NRG3: variants seen among roughly 807,000 people sequenced by gnomAD.
NRG3 encodes the protein pro-neuregulin-3, membrane-bound isoform.
In NRG3, 31 loss-of-function variants were observed where a neutral mutation model predicts 66.9. That is an observed-to-expected ratio of 0.46 (90% CI 0.35 to 0.63). The LOEUF is 0.63. Ranked by LOEUF, NRG3 falls within the 20% of genes least tolerant of loss-of-function variation. The pLI is 0.00. For missense variants in NRG3, 910 were observed against 878.9 expected (o/e 1.04, Z -0.45); for synonymous variants, 393 against 359.4 (o/e 1.09, Z -1.06).
At chr10:82,844,479 G>C (rs1191614647) in intron 3 of NRG3, among the ~76,000 whole-genome samples, 10 of 152,030 alleles carry the variant, frequency 6.6e-5, no homozygotes, top group Non-Finnish European at 1.5e-4. Flanking sequence ...TCCCAAACTG[G>C]AGTTCAAGTT....
At chr10:82,793,903 T>C (rs2060689960) in intron 3 of NRG3, among the ~76,000 whole-genome samples, 1 of 152,080 alleles carries the variant, frequency 6.6e-6, no homozygotes, top group African/African-American at 2.4e-5. Context: ...CACTAGAGGG[T>C]TAATATTTTA....
rs562330589 is a variant in NRG3, at chr10:82,907,371, A to C, written c.1054+41934A>C. On this transcript the variant is annotated intron_variant, in intron 4 of 8. Transcript: ENST00000372141. ...TTATGATTTTATAATTTTCTGGAATATATCATTTTACCCCACTTTTAACAG... is the reference window on the plus strand; with the variant it reads ...TTATGATTTTATAATTTTCTGGAATCTATCATTTTACCCCACTTTTAACAG... Among the ~76,000 whole-genome samples the C allele has an allele frequency of 3.9e-5, 6 of 152,342 alleles. No homozygotes were observed. The South Asian group carries it at 1.2e-3, about 32-fold the overall frequency.
intron 2 of NRG3, among the ~76,000 whole-genome samples, chr10:82,725,395 G>C (rs2057539383): frequency 1.3e-5 from 2 of 152,134 alleles, no homozygotes; most frequent in South Asian, 4.1e-4. Context: ...AGTCAGTATT[G>C]AAATTCATAT....
At chr10:82,032,176 T>G (rs1174693232) in intron 1 of NRG3, among the ~76,000 whole-genome samples, 1 of 152,042 alleles carries the variant, frequency 6.6e-6, no homozygotes, top group East Asian at 1.9e-4. Context: ...ATGCTTCTGT[T>G]TAAGAGTCAT....
chr10:82,984,795 G>C (rs747535780), intron 8 of NRG3: 72 of 1,551,494 alleles, frequency 4.6e-5, no homozygotes, highest in Non-Finnish European at 6.1e-5. Context: ...TAGAGGTCAG[G>C]AAGACTATAT....
At chr10:82,477,692 A>G (rs945654104) in intron 2 of NRG3, among the ~76,000 whole-genome samples, 1 of 152,212 alleles carries the variant, frequency 6.6e-6, no homozygotes, top group African/African-American at 2.4e-5. Flanking sequence ...TGGGAAGACA[A>G]TTTGGCAACA....
At chr10:82,145,578 A>G (rs930147473) in intron 1 of NRG3, among the ~76,000 whole-genome samples, 1 of 152,200 alleles carries the variant, frequency 6.6e-6, no homozygotes, top group African/African-American at 2.4e-5. Context: ...TTAATCTCTT[A>G]TCACATGGGA....
intron 7 of NRG3, among the ~76,000 whole-genome samples, chr10:82,975,784 A>T (rs1852193953): frequency 6.6e-6 from 1 of 152,220 alleles, no homozygotes; most frequent in African/African-American, 2.4e-5. Flanking sequence ...ATTGATCAAT[A>T]GGCATAAAAC....
At chr10:82,888,357 G>A (rs1481583870) in intron 4 of NRG3, among the ~76,000 whole-genome samples, 1 of 152,128 alleles carries the variant, frequency 6.6e-6, no homozygotes, top group Non-Finnish European at 1.5e-5. Flanking sequence ...GGATTCCTGG[G>A]TTGAAGAAAA....
At chr10:82,468,264 C>T (rs1840879030) in intron 2 of NRG3, among the ~76,000 whole-genome samples, 2 of 152,056 alleles carry the variant, frequency 1.3e-5, no homozygotes, top group Admixed American at 6.5e-5. Flanking sequence ...AGCAGTGATG[C>T]TCCTCCCTTG....
At chr10:82,405,952 G>C (rs2087487439) in intron 2 of NRG3, among the ~76,000 whole-genome samples, 1 of 151,866 alleles carries the variant, frequency 6.6e-6, no homozygotes, top group Non-Finnish European at 1.5e-5. Flanking sequence ...TCTGGAATAT[G>C]GTACATTAAA....
chr10:82,160,493 CT>C (rs372560263), intron 1 of NRG3, among the ~76,000 whole-genome samples: 34 of 150,678 alleles, frequency 2.3e-4, no homozygotes, highest in African/African-American at 4.1e-4. Flanking sequence ...TAAGGAATTT[CT>C]TTTTTTTTGT....
At chr10:82,959,617 A>C (rs1294573373) in intron 6 of NRG3, among the ~76,000 whole-genome samples, 1 of 152,186 alleles carries the variant, frequency 6.6e-6, no homozygotes, top group East Asian at 1.9e-4. Flanking sequence ...AGAGAGTCAA[A>C]GGGCTAAGAG....
chr10:81,911,404 TCA>T (rs1845131853), intron 1 of NRG3, among the ~76,000 whole-genome samples: 2 of 152,102 alleles, frequency 1.3e-5, no homozygotes, highest in East Asian at 3.9e-4. Context: ...TTCCTGGGAA[TCA>T]CAGTGTCCCA....
chr10:82,353,087 A>T (rs891991715), intron 1 of NRG3, among the ~76,000 whole-genome samples: 11 of 152,188 alleles, frequency 7.2e-5, no homozygotes, highest in Non-Finnish European at 1.3e-4. Flanking sequence ...GAGAATGGCT[A>T]CTAGGTTTCT....
chr10:82,792,882 A>G (rs2060645228), intron 3 of NRG3, among the ~76,000 whole-genome samples: 1 of 151,910 alleles, frequency 6.6e-6, no homozygotes, highest in African/African-American at 2.4e-5. Context: ...GGGTTTCTCC[A>G]TGTTGTTTAG....
At chr10:82,248,579 AT>A (rs1029635871) in intron 1 of NRG3, among the ~76,000 whole-genome samples, 1 of 152,134 alleles carries the variant, frequency 6.6e-6, no homozygotes, top group African/African-American at 2.4e-5. Context: ...AATAGTATCT[AT>A]TTTTTGGATG....
intron 3 of NRG3, among the ~76,000 whole-genome samples, chr10:82,832,426 CCAT>C: frequency 6.6e-6 from 1 of 152,256 alleles, no homozygotes; most frequent in South Asian, 2.1e-4. Context: ...CCTCTAGGTG[CCAT>C]CATTCTGTAG....
intron 2 of NRG3, among the ~76,000 whole-genome samples, chr10:82,400,578 T>A (rs1213241503): frequency 6.6e-6 from 1 of 151,416 alleles, no homozygotes; most frequent in Admixed American, 6.6e-5. Flanking sequence ...TTCTTTTTTT[T>A]TTTTTTTGAG....
Sources: gnomAD v4.1 joint callset for allele counts (sites outside exome capture counted in the v4.1 genomes callset) on GRCh38, gnomAD v4.1.1 for gene constraint, MANE v1.5 for transcripts, NCBI Gene and HGNC (gene_info 2026-07-23, HGNC 2026-07-21) for gene names.